The following HPX variants were observed in gnomAD, a reference collection of about 807,000 sequenced individuals.
HPX encodes the protein hemopexin, also known as beta-1B-glycoprotein.
In HPX, 42 loss-of-function variants were observed where a neutral mutation model predicts 53.8. That is an observed-to-expected ratio of 0.78 (90% CI 0.61 to 1.01). HPX has a LOEUF of 1.01. Ranked by LOEUF, HPX falls within the 50% of genes least tolerant of loss-of-function variation. HPX has a pLI of 0.00. For synonymous variants in HPX, 229 were observed against 221.1 expected (o/e 1.04, Z -0.32); for missense variants, 547 against 594.3 (o/e 0.92, Z 0.83).
Position 6,438,613 on chromosome 11 carries a change from G to A in HPX, c.337-104C>T, listed in dbSNP as rs946450701. ...CTGTGCTTATACGATATCCTCCTGT[G>A]GCCCTACACATTCTCAGTCCATCTG... On this transcript the variant is annotated intron_variant, in intron 4 of 9. Transcript: ENST00000265983. The A allele has an allele frequency of 8.1e-6, 8 of 989,190 alleles. No individual in the cohort carries two copies. In the Admixed American group the frequency reaches 1.7e-4, roughly 21 times the overall value. 61.3% of individuals were successfully genotyped at this position (989,190 alleles called of 1,614,324 possible).
intron 4 of HPX, 92 bp from the exon 5 acceptor site, chr11:6,438,601 A>G: frequency 8.5e-7 from 1 of 1,171,312 alleles, no homozygotes; most frequent in Non-Finnish European, 1.2e-6. Flanking sequence ...TGCTTATACG[A>G]TATCCTCCTG....
At position 6,438,385 on chromosome 11, in the gene HPX, C is replaced by T. The variant is rs1010513599; in HGVS notation, c.461G>A (p.Cys154Tyr). Residue 154 changes from cysteine to tyrosine, a missense_variant, in exon 5 of 10, where the codon TGT (cysteine) becomes TAT (tyrosine). Transcript: ENST00000265983. ...GAAGAAGAGGACGCCTTCAGCTTGA[C>T]ATTCTCCACGGTGACATTCCACAGC... ...DAAVECHRGE[C>Y]QAEGVLFFQG... is the part of the protein sequence containing the mutation. The T allele has an allele frequency of 5.6e-6, 9 of 1,614,102 alleles. No individual in the cohort carries two copies. The highest frequency in any genetic ancestry group is 7.6e-6 in the Non-Finnish European group (9 of 1,180,048).
In HPX at chr11:6,435,435, T is replaced by TTTTG. The variant is rs576247536; in HGVS notation, c.835+1607_835+1610dup. 5.3e-5 allele frequency among the ~76,000 whole-genome samples: 8 copies of TTTTG among 151,938 alleles called. No individual in the cohort carries two copies. The East Asian group carries it at 7.7e-4, about 15-fold the overall frequency. On this transcript the variant is annotated intron_variant, in intron 7 of 9. Transcript: ENST00000265983. ...AGGTATATATATATATATATGGGTT[T>TTTTG]TTTGTTTGTTTGTTTGTTTTGTTTT...
Position 6,440,567 on chromosome 11 carries a change from T to TAAAAAA in HPX, c.143-35_143-30dup, listed in dbSNP as rs71056749. On this transcript the variant is annotated intron_variant, in intron 2 of 9. Transcript: ENST00000265983. ...GGGTGGAGGTAGGGAGATGGCAAAG[T>TAAAAAA]AAAAAAAAAAAAAAAAAAAAAAAAA... The TAAAAAA allele has an allele frequency of 8.6e-5, 51 of 591,176 alleles. 1 individual carries two copies. The highest frequency in any genetic ancestry group is 5.2e-4 in the African/African-American group (16 of 30,656). The allele number at this position is 591,176 out of a possible 1,614,324, so 36.6% of individuals were successfully genotyped here.
At chr11:6,439,864 A>G (rs1849461628) in intron 4 of HPX, 6 of 408,862 alleles carry the variant, frequency 1.5e-5, no homozygotes, top group South Asian at 1.3e-4. Context: ...GACTTGATAC[A>G]GGGTCATGGA....
At position 6,431,661 on chromosome 11, in the gene HPX, G is replaced by A. The variant is rs1191027414; in HGVS notation, c.1109C>T (p.Ser370Phe). 2 of 1,613,990 alleles carry A rather than the reference G, an allele frequency of 1.2e-6. No homozygotes were observed. Among genetic ancestry groups the A allele is most frequent in the Admixed American group, 3.3e-5 (2 of 60,026 alleles). ...VDAAFICPGS[S>F]RLHIMAGRRL... The stretch of plus-strand genomic sequence containing the variant: ...CTCACCTGCCATGATATGGAGCCGA[G>A]AAGACCCAGGGCAGATAAAGGCCGC... The change falls in exon 9 of 10, where the codon TCT becomes TTT. Residue 370 changes from serine (S) to phenylalanine (F), a missense_variant. Ser to Phe is a radical substitution (Grantham distance 155). Coordinates refer to ENST00000265983, the MANE Select transcript of HPX (RefSeq NM_000613.3).
chr11:6,439,835 TGCCTTGCCCTATGAA>T, intron 4 of HPX: 1 of 364,730 alleles, frequency 2.7e-6, no homozygotes, highest in Non-Finnish European at 5.3e-6. Context: ...GGGAACAACT[TGCCTTGCCCTATGAA>T]GAGGACTTGA....
chr11:6,440,108 T>C, intron 4 of HPX, 57 bp downstream of exon 4: 1 of 1,611,070 alleles, frequency 6.2e-7, no homozygotes, highest in Non-Finnish European at 8.5e-7. Flanking sequence ...GGGGGAAGGG[T>C]CCCCAGTGTC....
intron 3 of HPX, 53 bp from the exon 4 acceptor site, chr11:6,440,339 G>A: frequency 6.2e-7 from 1 of 1,609,052 alleles, no homozygotes; most frequent in Non-Finnish European, 8.5e-7. Context: ...TTGACCTACT[G>A]AGATAGCTTG....
At position 6,431,528 on chromosome 11, in the gene HPX, G is replaced by A; in HGVS notation, c.1130-58C>T. 1.9e-6 allele frequency: 3 copies of A among 1,609,146 alleles called. No individual in the cohort carries two copies. In the South Asian group the frequency reaches 3.3e-5, roughly 18 times the overall value. ...CCATGTCATGGGGATCCTGACCTAG[G>A]CCTTCTCATGCCCTGGGGATCCTGA... On this transcript the variant is annotated intron_variant, in intron 9 of 9. Transcript: ENST00000265983.
chr11:6,437,092 C>A lies in HPX; in HGVS notation c.789G>T (p.Leu263Phe), dbSNP rs775960849. The A allele has an allele frequency of 1.9e-6, 3 of 1,614,122 alleles. No individual in the cohort carries two copies. The highest frequency in any genetic ancestry group is 1.7e-6 in the Non-Finnish European group (2 of 1,180,024). The change falls in exon 7 of 10, where the codon TTG becomes TTT. Residue 263 changes from leucine to phenylalanine, a missense_variant. By Grantham distance (22) the Leu-to-Phe change is conservative (BLOSUM62 0). Transcript: ENST00000265983. ...EYMRCSPHLV[L>F]SALTSDNHGA... is the part of the protein sequence containing the mutation. Reference sequence around the variant, plus strand: ...CATGGTTGTCAGACGTCAGTGCAGACAAGACTAGATGTGGGCTACAGCGCA... The same window carrying A: ...CATGGTTGTCAGACGTCAGTGCAGAAAAGACTAGATGTGGGCTACAGCGCA...
At chr11:6,435,311 G>C (rs2134134129) in intron 7 of HPX, among the ~76,000 whole-genome samples, 1 of 152,086 alleles carries the variant, frequency 6.6e-6, no homozygotes, top group South Asian at 2.1e-4. Flanking sequence ...CTGTGAGTCA[G>C]AGAAAGAAAA....
Position 6,440,676 on chromosome 11 carries a change from C to A in HPX, c.138G>T (p.Val46=). 6.2e-7 allele frequency: 1 copy of A among 1,612,642 alleles called. No homozygotes were observed. ...AEGETKPDPD[V]TERCSDGWSF... is the part of the protein sequence containing the mutation. ...CTTAGGGAGTCAGGGCCTCACCAGT[C>A]ACGTCTGGGTCTGGCTTGGTCTCGC... The change falls in exon 2 of 10, where the codon GTG becomes GTT. Residue 46 remains valine, a synonymous_variant. Coordinates refer to ENST00000265983, the MANE Select transcript of HPX (RefSeq NM_000613.3).
chr11:6,437,089 A>T lies in HPX; in HGVS notation c.792T>A (p.Ser264=), dbSNP rs1849426140. Residue 264 remains serine (S), a synonymous_variant, in exon 7 of 10, where the codon TCT becomes TCA. Coordinates refer to ENST00000265983, the MANE Select transcript of HPX (RefSeq NM_000613.3). ...CACCATGGTTGTCAGACGTCAGTGC[A>T]GACAAGACTAGATGTGGGCTACAGC... The part of the protein sequence containing the change: ...YMRCSPHLVL[S]ALTSDNHGAT... 1.9e-6 allele frequency: 3 copies of T among 1,614,054 alleles called. No homozygotes were observed. Among genetic ancestry groups the T allele is most frequent in the Non-Finnish European group, 2.5e-6 (3 of 1,180,024 alleles).
At chr11:6,437,708 G>A in intron 5 of HPX, 56 bp from the exon 6 acceptor site, 1 of 1,408,988 alleles carries the variant, frequency 7.1e-7, no homozygotes, top group Non-Finnish European at 1.0e-6. Flanking sequence ...CCTCCTTTGT[G>A]CTTTCTCTGG....
At chr11:6,435,428 A>G (rs1188252151) in intron 7 of HPX, among the ~76,000 whole-genome samples, 3 of 146,722 alleles carry the variant, frequency 2.0e-5, no homozygotes, top group Non-Finnish European at 3.0e-5. Context: ...ATATATATAT[A>G]TGGGTTTTTT....
chr11:6,435,759 G>A (rs1159756221), intron 7 of HPX, among the ~76,000 whole-genome samples: 1 of 152,196 alleles, frequency 6.6e-6, no homozygotes, highest in Non-Finnish European at 1.5e-5. Context: ...CCCGGCCTGG[G>A]TATTTTTAAT....
rs539998628 is a variant in HPX at position 6,438,871 on chromosome 11, C to T, written c.337-362G>A. 2.1e-5 allele frequency among the ~76,000 whole-genome samples: 3 copies of T among 143,506 alleles called. No homozygotes were observed. The East Asian group carries it at 5.8e-4, about 28-fold the overall frequency. The allele number at this position is 143,506 out of a possible 152,430, so 94.1% of individuals were successfully genotyped here. On this transcript the variant is annotated intron_variant, in intron 4 of 9. Coordinates refer to ENST00000265983, the MANE Select transcript of HPX (RefSeq NM_000613.3). The stretch of plus-strand genomic sequence containing the variant: ...TTATTTATTCATTCATTCATTCATC[C>T]AAGAAACAGTCACTGAATAACTACT...
At position 6,437,645 on chromosome 11, in the gene HPX, G is replaced by T. The variant is rs374245311; in HGVS notation, c.498C>A (p.Arg166=). Residue 166 remains arginine, a synonymous_variant, in exon 6 of 10, where the codon CGC becomes CGA. Transcript: ENST00000265983. ...AEGVLFFQGD[R]EWFWDLATGT... ...CCGTAGCCAAGTCCCAGAACCACTC[G>T]CGGTCACCTTTGTCCAATCAATCAA... 60 of 1,613,784 alleles carry T rather than the reference G, an allele frequency of 3.7e-5. No individual in the cohort carries two copies. Among genetic ancestry groups the T allele is most frequent in the Non-Finnish European group, 4.7e-5 (56 of 1,179,892 alleles).
Sources: gnomAD v4.1 joint callset for allele counts (sites outside exome capture counted in the v4.1 genomes callset) on GRCh38, gnomAD v4.1.1 for gene constraint, MANE v1.5 for transcripts, NCBI Gene and HGNC (gene_info 2026-07-23, HGNC 2026-07-21) for gene names.